BTNL2: variants seen among roughly 807,000 people sequenced by gnomAD.
BTNL2 encodes the protein butyrophilin like 2.
BTNL2 carries 46 observed loss-of-function variants against 46.8 expected under a neutral mutation model. The observed-to-expected ratio is 0.98, with a 90% CI of 0.78 to 1.26. The LOEUF is 1.26. BTNL2 is among the 50% of genes most tolerant of loss of function. The probability of loss-of-function intolerance (pLI) is 0.00; values close to 1 mark genes in which losing one functional copy is unlikely to be tolerated. For missense variants in BTNL2, 461 were observed against 592.6 expected (o/e 0.78, Z 2.31); for synonymous variants, 226 against 229.1 (o/e 0.99, Z 0.12).
intron 2 of BTNL2, 126 bp downstream of exon 2, chr6:32,404,813 G>C: frequency 1.1e-6 from 1 of 884,052 alleles, no homozygotes; most frequent in South Asian, 1.6e-5. Context: ...AATCAATCAG[G>C]GTAGAGGACT....
intron 4 of BTNL2, among the ~76,000 whole-genome samples, chr6:32,400,450 G>T (rs924950254): frequency 1.3e-5 from 2 of 152,140 alleles, no homozygotes; most frequent in African/African-American, 4.8e-5. Context: ...AGGCAGGGAG[G>T]CAGGCTGGTT....
At position 32,396,455 on chromosome 6, in the gene BTNL2, C is replaced by A. The variant is rs141657475; in HGVS notation, c.731-69G>T. 1,461 of 1,422,342 alleles carry A rather than the reference C, an allele frequency of 1.0e-3. 12 individuals carry two copies. In the African/African-American group the frequency reaches 0.018, roughly 17 times the overall value. 88.1% of individuals were successfully genotyped at this position (1,422,342 alleles called of 1,614,324 possible). On this transcript the variant is annotated intron_variant, in intron 4 of 7. Transcript: ENST00000454136. This position sits in a 1 kb window ranked among gnomAD's most constrained non-coding sequence, Gnocchi z 4.4. Reference sequence around the variant, plus strand: ...GAACCAATAATGTCATCTCTAAGAACAGCTCCATTGGAGTTTAGAAACCAT... The same window carrying A: ...GAACCAATAATGTCATCTCTAAGAAAAGCTCCATTGGAGTTTAGAAACCAT...
At chr6:32,404,856 G>A in intron 2 of BTNL2, 83 bp downstream of exon 2, 7 of 1,308,914 alleles carry the variant, frequency 5.3e-6, no homozygotes, top group Non-Finnish European at 7.6e-6. Flanking sequence ...GATTCAAAAG[G>A]ATTTCCTCAA....
chr6:32,395,578 G>A (rs963411152), intron 5 of BTNL2, among the ~76,000 whole-genome samples: 3 of 152,292 alleles, frequency 2.0e-5, no homozygotes, highest in African/African-American at 4.8e-5. Flanking sequence ...CGGACAGTGG[G>A]AAATGATGCT....
At chr6:32,405,350 G>C in intron 1 of BTNL2, 64 bp from the exon 2 acceptor site, 2 of 1,481,194 alleles carry the variant, frequency 1.4e-6, no homozygotes, top group Non-Finnish European at 1.9e-6. Flanking sequence ...GCATGCTTTG[G>C]GGTGTCCAGC....
chr6:32,406,966 G>T (rs1189729900), intron 1 of BTNL2, 79 bp downstream of exon 1: 37 of 1,364,100 alleles, frequency 2.7e-5, no homozygotes, highest in Non-Finnish European at 3.7e-5. Context: ...TACACTCTTA[G>T]ATGTTGTTCT....
At chr6:32,400,900 G>C (rs144910948) in intron 4 of BTNL2, among the ~76,000 whole-genome samples, 1 of 113,006 alleles carries the variant, frequency 8.8e-6, no homozygotes, top group Non-Finnish European at 1.8e-5. Flanking sequence ...GCAACAGAGC[G>C]AGACTCCGTC....
rs1194482865 is a variant in BTNL2, at chr6:32,394,870, C to T, written c.1234G>A (p.Gly412Ser). The part of the protein sequence containing the change: ...IPSSSQALTQ[G>S]SHGLFHVQTL... ...TGCACGTGGAACAGCCCGTGGCTGC[C>T]TTGAGTCAGGGCCTGGGAAGATGAT... The change falls in exon 6 of 8, where the codon GGC becomes AGC. Residue 412 changes from glycine to serine, a missense_variant. Physicochemically the swap from Gly to Ser is moderately conservative, Grantham distance 56. Transcript: ENST00000454136. The surrounding 1 kb of genome is among the most constrained non-coding windows in gnomAD (Gnocchi z 4.6). 1.9e-6 allele frequency: 3 copies of T among 1,614,224 alleles called. No individual in the cohort carries two copies. Among genetic ancestry groups the T allele is most frequent in the Non-Finnish European group, 2.5e-6 (3 of 1,180,042 alleles).
intron 4 of BTNL2, among the ~76,000 whole-genome samples, chr6:32,398,490 T>C (rs1776575742): frequency 6.6e-6 from 1 of 152,236 alleles, no homozygotes; most frequent in African/African-American, 2.4e-5. Flanking sequence ...CTCCTATGTA[T>C]CTATTAAAGT....
rs1205104643 is a variant in BTNL2, at chr6:32,393,942, G to C, written c.*6+21C>G. ...GGTTCCCACTGCAGTGTGCTCCGCT[G>C]TTTCTGTTTCCCTGACTTACCTCTT... On this transcript the variant is annotated intron_variant, in intron 7 of 7. Transcript: ENST00000454136. This position sits in a 1 kb window ranked among gnomAD's most constrained non-coding sequence, Gnocchi z 4.8. 9 of 1,548,720 alleles carry C rather than the reference G, an allele frequency of 5.8e-6. No homozygotes were observed. The highest frequency in any genetic ancestry group is 1.7e-4 in the Middle Eastern group (1 of 5,990).
At chr6:32,397,373 GT>G (rs140361202) in intron 4 of BTNL2, among the ~76,000 whole-genome samples, 1,849 of 152,262 alleles carry the variant, frequency 0.012, 68 homozygotes, top group East Asian at 0.11. Flanking sequence ...AGCTGTCTCT[GT>G]ACCTCACTTC....
chr6:32,400,700 G>A (rs1400776401), intron 4 of BTNL2, among the ~76,000 whole-genome samples: 1 of 147,784 alleles, frequency 6.8e-6, no homozygotes, highest in South Asian at 2.2e-4. Flanking sequence ...ATGAGGTCAG[G>A]AGATCGAGAC....
intron 3 of BTNL2, 124 bp from the exon 4 acceptor site, chr6:32,401,929 A>T: frequency 1.5e-6 from 1 of 676,560 alleles, no homozygotes; most frequent in Non-Finnish European, 2.3e-6. Context: ...AAAAAAATGA[A>T]ATGCAGAAAA....
At chr6:32,406,884 G>A in intron 1 of BTNL2, 161 bp downstream of exon 1, 1 of 614,258 alleles carries the variant, frequency 1.6e-6, no homozygotes, top group Non-Finnish European at 2.9e-6. Context: ...GAGTGGAGGA[G>A]CTCCTGGGAG....
rs41449245 is a variant in BTNL2 at position 32,394,892 on chromosome 6, T to C, written c.1212A>G (p.Ser404=). 230 of 1,613,832 alleles carry C rather than the reference T, an allele frequency of 1.4e-4. No individual in the cohort carries two copies. The highest frequency in any genetic ancestry group is 5.0e-4 in the Middle Eastern group (3 of 6,058). ...WRDMEGKTIP[S]SSQALTQGSH... ...TGCCTTGAGTCAGGGCCTGGGAAGATGATGGTATCGTCTTTCCTTCCATGT... is the reference window on the plus strand; with the variant it reads ...TGCCTTGAGTCAGGGCCTGGGAAGACGATGGTATCGTCTTTCCTTCCATGT... The change falls in exon 6 of 8, where the codon TCA becomes TCG. Residue 404 remains serine (S), a synonymous_variant. Coordinates refer to ENST00000454136, the MANE Select transcript of BTNL2 (RefSeq NM_001304561.2). The surrounding 1 kb of genome is among the most constrained non-coding windows in gnomAD (Gnocchi z 4.6).
At chr6:32,400,893 A>C (rs1213765625) in intron 4 of BTNL2, among the ~76,000 whole-genome samples, 3 of 138,770 alleles carry the variant, frequency 2.2e-5, no homozygotes. Flanking sequence ...AGCTTGGGCA[A>C]CAGAGCGAGA....
Position 32,394,733 on chromosome 6 carries a change from G to C in BTNL2, c.1360+11C>G, listed in dbSNP as rs773912341. ...TTTTCCAAACCTGAAGGAACATAAG[G>C]AATCACCAACCTGAGAGAGAAAAAG... On this transcript the variant is annotated intron_variant, in intron 6 of 7. Coordinates refer to ENST00000454136, the MANE Select transcript of BTNL2 (RefSeq NM_001304561.2). This position sits in a 1 kb window ranked among gnomAD's most constrained non-coding sequence, Gnocchi z 4.6. 1 of 1,607,128 alleles carries C rather than the reference G, an allele frequency of 6.2e-7. No homozygotes were observed. The highest frequency in any genetic ancestry group is 1.3e-5 in the African/African-American group (1 of 74,890).
rs77542881 is a variant in BTNL2, at chr6:32,405,178, A to G, written c.188T>C (p.Val63Ala). The change falls in exon 2 of 8, where the codon GTG becomes GCG. Residue 63 changes from valine to alanine, a missense_variant. Physicochemically the swap from Val to Ala is moderately conservative, Grantham distance 64 (BLOSUM62 0). Transcript: ENST00000454136. ...LPKRTTMHVE[V>A]RWYRSEPSTP... The stretch of plus-strand genomic sequence containing the variant: ...GCTGGGCTCTGAGCGGTACCACCTC[A>G]CCTCCACGTGCATTGTGGTCCTCTT... 34 of 1,612,788 alleles carry G rather than the reference A, an allele frequency of 2.1e-5. No individual in the cohort carries two copies. In the African/African-American group the frequency reaches 4.3e-4, roughly 20 times the overall value.
Position 32,393,961 on chromosome 6 carries a change from A to G in BTNL2, c.*6+2T>C. The G allele has an allele frequency of 1.3e-6, 2 of 1,545,268 alleles. No homozygotes were observed. The highest frequency in any genetic ancestry group is 1.7e-6 in the Non-Finnish European group (2 of 1,145,020). On this transcript the variant is annotated splice_donor_variant, in intron 7 of 7. Transcript: ENST00000454136. LOFTEE classifies it low-confidence loss of function (3UTR_SPLICE). The surrounding 1 kb of genome is among the most constrained non-coding windows in gnomAD (Gnocchi z 4.8). ...TCCGCTGTTTCTGTTTCCCTGACTT[A>G]CCTCTTTTCAGCTCCTCTTCCTGGG... is the stretch of plus-strand genomic sequence containing the variant.
Sources: allele counts gnomAD v4.1 joint callset (sites outside exome capture counted in the v4.1 genomes callset), GRCh38; gene constraint gnomAD v4.1.1; non-coding constraint Gnocchi (gnomAD v3.1); transcripts MANE v1.5; gene names NCBI Gene and HGNC (gene_info 2026-07-23, HGNC 2026-07-21).